PLEKHG5: variants seen among roughly 807,000 people sequenced by gnomAD.
PLEKHG5 encodes pleckstrin homology and RhoGEF domain containing G5, also known as pleckstrin homology domain-containing family G member 5.
In PLEKHG5, 52 loss-of-function variants were observed where a neutral mutation model predicts 103.8. The observed-to-expected ratio is 0.50, with a 90% CI of 0.40 to 0.63. The LOEUF (loss-of-function observed/expected upper bound fraction) is 0.63. PLEKHG5 is among the 30% of genes least tolerant of loss of function. PLEKHG5 has a pLI of 0.00. For missense variants in PLEKHG5, 1,205 were observed against 1,347.6 expected, an observed-to-expected ratio of 0.89 and a Z score of 1.66; for synonymous variants, 592 against 575.5, an observed-to-expected ratio of 1.03 and a Z score of -0.41.
chr1:6,472,054 G>A (rs1644608445), intron 10 of PLEKHG5, among the ~76,000 whole-genome samples: 1 of 152,224 alleles, frequency 6.6e-6, no homozygotes, highest in Non-Finnish European at 1.5e-5. Context: ...GGGAAGCTCG[G>A]GGGAGACTGG....
At chr1:6,503,539 C>T (rs1159998418) in intron 1 of PLEKHG5, among the ~76,000 whole-genome samples, 3 of 151,840 alleles carry the variant, frequency 2.0e-5, no homozygotes, top group African/African-American at 4.8e-5. Context: ...TCCCAAGTAG[C>T]TGGGATTACA....
chr1:6,490,409 C>T lies in PLEKHG5; in HGVS notation c.-88+1228G>A. The stretch of plus-strand genomic sequence containing the variant: ...GGTCCTGGCGCCTAGTCCCACCCCC[C>T]GTCCGGAGCGCAGCTCCCACTTCCC... On this transcript the variant is annotated intron_variant, in intron 1 of 20. Transcript: ENST00000377728. This position sits in a 1 kb window ranked among gnomAD's most constrained non-coding sequence, Gnocchi z 8.0. The T allele has an allele frequency of 2.0e-6, 2 of 979,686 alleles. No individual in the cohort carries two copies. The highest frequency in any genetic ancestry group is 2.4e-6 in the Non-Finnish European group (2 of 824,794). 60.7% of individuals were successfully genotyped at this position (979,686 alleles called of 1,614,324 possible).
At chr1:6,474,293 C>T (rs1569877863) in intron 6 of PLEKHG5, 129 bp from the exon 7 acceptor site, 2 of 1,326,334 alleles carry the variant, frequency 1.5e-6, no homozygotes, top group Non-Finnish European at 2.1e-6. Flanking sequence ...GCCCTGCCAG[C>T]ACCCTCCCCT....
chr1:6,513,106 G>A (rs147446145), intron 1 of PLEKHG5, among the ~76,000 whole-genome samples: 3 of 152,354 alleles, frequency 2.0e-5, no homozygotes, highest in Non-Finnish European at 2.9e-5. Flanking sequence ...CCTGGATCCC[G>A]CTGTGGAGCT....
chr1:6,473,739 C>G (rs1331076934), intron 7 of PLEKHG5, among the ~76,000 whole-genome samples: 1 of 152,152 alleles, frequency 6.6e-6, no homozygotes, highest in African/African-American at 2.4e-5. Flanking sequence ...TCTGTAGCCC[C>G]AGGTACAAGT....
At chr1:6,510,806 G>T (rs1398874346) in intron 1 of PLEKHG5, among the ~76,000 whole-genome samples, 1 of 152,114 alleles carries the variant, frequency 6.6e-6, no homozygotes, top group Non-Finnish European at 1.5e-5. Context: ...ACAATTCTGG[G>T]CTGGGCACAG....
At chr1:6,495,430 G>C (rs1185763698), upstream of PLEKHG5, among the ~76,000 whole-genome samples, 1 of 152,190 alleles carries the variant, frequency 6.6e-6, no homozygotes, top group Non-Finnish European at 1.5e-5. Flanking sequence ...GGAGCGGGGG[G>C]TGGGGGGTGG....
chr1:6,505,019 C>T lies in PLEKHG5; in HGVS notation c.-164-8450G>A, dbSNP rs1057087252. ...CCACGCCAGCCTGGGGAGACTCATCCAGGACAGGCTCCTGCTCCCTGGGCT... is the reference window on the plus strand; with the variant it reads ...CCACGCCAGCCTGGGGAGACTCATCTAGGACAGGCTCCTGCTCCCTGGGCT... On this transcript the variant is annotated intron_variant, in intron 1 of 21. Transcript: ENST00000377740. The surrounding 1 kb of genome is among the most constrained non-coding windows in gnomAD (Gnocchi z 4.2). 2.5e-4 allele frequency among the ~76,000 whole-genome samples: 38 copies of T among 152,112 alleles called. 1 individual carries two copies. The highest frequency in any genetic ancestry group is 8.9e-4 in the African/African-American group (37 of 41,406).
exon 1 of PLEKHG5, chr1:6,519,450 C>A (rs754291719): frequency 6.2e-7 from 1 of 1,611,892 alleles, no homozygotes. Context: ...CTCACCGGTT[C>A]CTGAACAAAG....
Position 6,496,679 on chromosome 1 carries a change from CAA to C in PLEKHG5, c.-165_-164del, listed in dbSNP as rs1282604508. 19 of 710,838 alleles carry C rather than the reference CAA, an allele frequency of 2.7e-5. No individual in the cohort carries two copies. In the East Asian group the frequency reaches 5.4e-4, roughly 20 times the overall value. 44.0% of individuals were successfully genotyped at this position (710,838 alleles called of 1,614,324 possible). ...GGGGTGATCTCCTCAGTCCTCCCTT[CAA>C]AAGAGGTCAGCGTCCCTTTCTCTTT... is the stretch of plus-strand genomic sequence containing the variant. On this transcript the variant is annotated 5_prime_UTR_variant, in exon 1 of 21. Transcript: ENST00000377732.
At chr1:6,501,309 C>T (rs1645294420), upstream of PLEKHG5, among the ~76,000 whole-genome samples, 1 of 152,174 alleles carries the variant, frequency 6.6e-6, no homozygotes, top group Non-Finnish European at 1.5e-5. The surrounding 1 kb of genome is among the most constrained non-coding windows in gnomAD (Gnocchi z 4.3). Context: ...CTTTGCCCTC[C>T]CCCAGCATCC....
At chr1:6,479,221 T>C (rs1283671297) in intron 1 of PLEKHG5, among the ~76,000 whole-genome samples, 2 of 152,192 alleles carry the variant, frequency 1.3e-5, no homozygotes, top group Non-Finnish European at 2.9e-5. Context: ...CTTACAGATA[T>C]ACTTCCTCAT....
rs1445776829 is a variant in PLEKHG5, at chr1:6,467,477, G to C, written c.*86C>G. On this transcript the variant is annotated 3_prime_UTR_variant, in exon 21 of 21. Coordinates refer to ENST00000377728, the MANE Select transcript of PLEKHG5 (RefSeq NM_020631.6). ...ATCCGGCTCATGCATACAGGAGGCA[G>C]TAGCTGAAGCAGGTGCCGGCACGCC... 7.9e-7 allele frequency: 1 copy of C among 1,272,672 alleles called. No individual in the cohort carries two copies. Among genetic ancestry groups the C allele is most frequent in the East Asian group, 2.3e-5 (1 of 43,382 alleles). The allele number at this position is 1,272,672 out of a possible 1,614,324, so 78.8% of individuals were successfully genotyped here.
At chr1:6,499,216 A>G (rs1168061412), upstream of PLEKHG5, among the ~76,000 whole-genome samples, 2 of 152,106 alleles carry the variant, frequency 1.3e-5, no homozygotes, top group East Asian at 3.9e-4. Flanking sequence ...GCTCCGGGCC[A>G]TGTCTTCTGC....
At chr1:6,492,126 C>G (rs1366028010), upstream of PLEKHG5, among the ~76,000 whole-genome samples, 1 of 152,204 alleles carries the variant, frequency 6.6e-6, no homozygotes, top group African/African-American at 2.4e-5. Flanking sequence ...GGGGTAGGCC[C>G]CACCGCAGCG....
At position 6,487,103 on chromosome 1, in the gene PLEKHG5, T is replaced by C. The variant is rs1645056325; in HGVS notation, c.-88+4534A>G. ...CCCACTGTCTACACCACAGGCAGAG[T>C]TGTGTTTTTGTTTTTTGTTTGTTTG... is the stretch of plus-strand genomic sequence containing the variant. On this transcript the variant is annotated intron_variant, in intron 1 of 20. Coordinates refer to ENST00000377728, the MANE Select transcript of PLEKHG5 (RefSeq NM_020631.6). The surrounding 1 kb of genome is among the most constrained non-coding windows in gnomAD (Gnocchi z 4.1). Among the ~76,000 whole-genome samples, 1 of 151,852 alleles carries C rather than the reference T, an allele frequency of 6.6e-6. No homozygotes were observed. The highest frequency in any genetic ancestry group is 2.4e-5 in the African/African-American group (1 of 41,316).
intron 1 of PLEKHG5, among the ~76,000 whole-genome samples, chr1:6,484,471 C>T (rs918917143): frequency 6.6e-6 from 1 of 152,348 alleles, no homozygotes; most frequent in Admixed American, 6.5e-5. Flanking sequence ...ATCTGGTTGA[C>T]GATGAAGTTC....
intron 12 of PLEKHG5, 126 bp downstream of exon 12, chr1:6,471,360 AGG>A: frequency 9.0e-7 from 1 of 1,113,634 alleles, no homozygotes. Context: ...CTTGGCCACA[AGG>A]GGTCAAGTGC....
intron 1 of PLEKHG5, among the ~76,000 whole-genome samples, chr1:6,513,331 G>T (rs1391326880): frequency 6.6e-6 from 1 of 152,244 alleles, no homozygotes; most frequent in African/African-American, 2.4e-5. Flanking sequence ...TGTCAAGGTG[G>T]CAGGGCTCCC....
Sources: allele counts gnomAD v4.1 joint callset (sites outside exome capture counted in the v4.1 genomes callset), GRCh38; gene constraint gnomAD v4.1.1; non-coding constraint Gnocchi (gnomAD v3.1); transcripts MANE v1.5; gene names NCBI Gene and HGNC (gene_info 2026-07-23, HGNC 2026-07-21).